SLC38A1: variants seen among roughly 807,000 people sequenced by gnomAD.
The protein encoded by SLC38A1 is solute carrier family 38 member 1.
In SLC38A1, 18 loss-of-function variants were observed where a neutral mutation model predicts 60.3. The ratio of observed to expected loss-of-function variants is 0.30; its 90% CI spans 0.21 to 0.44. The LOEUF (loss-of-function observed/expected upper bound fraction) is 0.44, where lower values mean the gene tolerates loss of function less well. Among genes scored for constraint, SLC38A1 ranks in the 20% least tolerant of loss-of-function variants. The pLI is 1.00. For missense variants in SLC38A1, 448 were observed against 587.2 expected (o/e 0.76, Z 2.45); for synonymous variants, 196 against 212.1 (o/e 0.92, Z 0.66).
At chr12:46,209,776 A>G (rs186513687) in intron 5 of SLC38A1, among the ~76,000 whole-genome samples, 121 of 152,308 alleles carry the variant, frequency 7.9e-4, no homozygotes, top group Admixed American at 5.0e-3. Context: ...ACTTTTTTGA[A>G]TGATGAACTC....
At chr12:46,220,078 TGA>T (rs1462610739) in intron 5 of SLC38A1, among the ~76,000 whole-genome samples, 1 of 152,202 alleles carries the variant, frequency 6.6e-6, no homozygotes, top group Non-Finnish European at 1.5e-5. Flanking sequence ...CTAAAAACAA[TGA>T]GTGGGACTCA....
intron 1 of SLC38A1, among the ~76,000 whole-genome samples, chr12:46,245,947 T>C (rs746987258): frequency 6.6e-6 from 1 of 152,246 alleles, no homozygotes; most frequent in Non-Finnish European, 1.5e-5. Context: ...TTTAGCCTAC[T>C]TTTTAAATTG....
chr12:46,233,175 C>T (rs1475548256), intron 3 of SLC38A1, among the ~76,000 whole-genome samples: 4 of 152,094 alleles, frequency 2.6e-5, no homozygotes, highest in Admixed American at 6.5e-5. Context: ...CACACCACCA[C>T]ACCCAGCTTA....
intron 5 of SLC38A1, among the ~76,000 whole-genome samples, chr12:46,220,810 G>A (rs1325998651): frequency 1.3e-5 from 2 of 152,190 alleles, no homozygotes; most frequent in Non-Finnish European, 2.9e-5. Flanking sequence ...AATATTTAGA[G>A]ACATCAGAAA....
At chr12:46,196,002 T>C (rs141860081) in intron 16 of SLC38A1, 6 of 735,442 alleles carry the variant, frequency 8.2e-6, no homozygotes, top group Admixed American at 7.2e-5. Flanking sequence ...GGTACCTCAG[T>C]TGGAAATGCA....
rs146440697 is a variant in SLC38A1, at chr12:46,194,121, C to T, written c.1362+3599G>A. 7.6e-4 allele frequency among the ~76,000 whole-genome samples: 115 copies of T among 152,250 alleles called. 2 individuals carry two copies. The East Asian group carries it at 9.5e-3, about 13-fold the overall frequency. On this transcript the variant is annotated intron_variant, in intron 16 of 16. Coordinates refer to ENST00000398637, the MANE Select transcript of SLC38A1 (RefSeq NM_030674.4). ...GCTTCCTTCAGGAGCTTTTGTAAGGCGAGCCTGGTGGTGACAAAATCTCTC... is the reference window on the plus strand; with the variant it reads ...GCTTCCTTCAGGAGCTTTTGTAAGGTGAGCCTGGTGGTGACAAAATCTCTC...
intron 5 of SLC38A1, among the ~76,000 whole-genome samples, chr12:46,227,816 G>A (rs1011700966): frequency 6.6e-6 from 1 of 152,082 alleles, no homozygotes; most frequent in African/African-American, 2.4e-5. Context: ...AGCTCAGAGT[G>A]GCTAAGAAAC....
intron 3 of SLC38A1, among the ~76,000 whole-genome samples, chr12:46,234,468 G>C (rs1012002970): frequency 3.0e-5 from 4 of 133,830 alleles, no homozygotes; most frequent in East Asian, 2.2e-4. Flanking sequence ...TTTTTGTTGA[G>C]ACGGAGTCTC....
Position 46,200,801 on chromosome 12 carries a change from T to C in SLC38A1, c.1003+297A>G, listed in dbSNP as rs11183393. Among the ~76,000 whole-genome samples the C allele has an allele frequency of 8.9e-3, 1,358 of 152,310 alleles. 25 individuals carry two copies. Among genetic ancestry groups the C allele is most frequent in the African/African-American group, 0.031 (1,291 of 41,548 alleles). ...TTTGCGGTGTCAATTAGGAAAGCCT[T>C]CTCTGATGTAGTTTTAAACCTTCCT... On this transcript the variant is annotated intron_variant, in intron 13 of 16. Coordinates refer to ENST00000398637, the MANE Select transcript of SLC38A1 (RefSeq NM_030674.4).
intron 1 of SLC38A1, among the ~76,000 whole-genome samples, chr12:46,260,140 A>G (rs1473499070): frequency 6.6e-6 from 1 of 152,124 alleles, no homozygotes; most frequent in African/African-American, 2.4e-5. Context: ...TATTGTGACC[A>G]TTGTTCCTGT....
intron 1 of SLC38A1, among the ~76,000 whole-genome samples, chr12:46,262,328 T>C (rs1234505711): frequency 6.6e-6 from 1 of 152,050 alleles, no homozygotes; most frequent in Non-Finnish European, 1.5e-5. Flanking sequence ...CTAAAGTTAA[T>C]GAAGTCAACC....
intron 16 of SLC38A1, among the ~76,000 whole-genome samples, chr12:46,191,542 A>G (rs1468508335): frequency 2.6e-5 from 4 of 152,086 alleles, no homozygotes; most frequent in African/African-American, 9.7e-5. Context: ...CATTTTCATG[A>G]TATTAATTCT....
chr12:46,260,685 G>C lies in SLC38A1; in HGVS notation c.-209+7841C>G, dbSNP rs543446806. ...ATTCTATTTCTGTTAAAGATATAATGCACCTTCTCCTTGTCACTCAGACTT... is the reference window on the plus strand; with the variant it reads ...ATTCTATTTCTGTTAAAGATATAATCCACCTTCTCCTTGTCACTCAGACTT... On this transcript the variant is annotated intron_variant, in intron 1 of 16. Transcript: ENST00000398637. Among the ~76,000 whole-genome samples, 11 of 152,136 alleles carry C rather than the reference G, an allele frequency of 7.2e-5. No individual in the cohort carries two copies. The South Asian group carries it at 2.3e-3, about 32-fold the overall frequency.
chr12:46,183,662 A>C lies in SLC38A1; in HGVS notation c.*5308T>G, dbSNP rs2136790300. On this transcript the variant is annotated 3_prime_UTR_variant, in exon 17 of 17. Transcript: ENST00000398637. Reference sequence around the variant, plus strand: ...GATCATTATGAAGAAACAATTTGTCATTTGGGTATATCTGTTTCTATAGGA... The same window carrying C: ...GATCATTATGAAGAAACAATTTGTCCTTTGGGTATATCTGTTTCTATAGGA... The C allele has an allele frequency of 6.6e-6, 1 of 152,318 alleles. No homozygotes were observed. Among genetic ancestry groups the C allele is most frequent in the East Asian group, 1.9e-4 (1 of 5,192 alleles). 9.4% of individuals were successfully genotyped at this position (152,318 alleles called of 1,614,324 possible).
chr12:46,208,050 A>G (rs1939987729), intron 6 of SLC38A1, among the ~76,000 whole-genome samples: 1 of 152,232 alleles, frequency 6.6e-6, no homozygotes, highest in Admixed American at 6.5e-5. Flanking sequence ...GATTAGGCAA[A>G]CAAGGAATTA....
At chr12:46,258,759 A>G (rs1463244562) in intron 1 of SLC38A1, among the ~76,000 whole-genome samples, 1 of 152,152 alleles carries the variant, frequency 6.6e-6, no homozygotes, top group East Asian at 1.9e-4. Context: ...ATTCAAGAGA[A>G]TCTCCTGCTT....
intron 3 of SLC38A1, among the ~76,000 whole-genome samples, chr12:46,235,246 T>C (rs1941219111): frequency 6.6e-6 from 1 of 152,248 alleles, no homozygotes; most frequent in Admixed American, 6.5e-5. Flanking sequence ...GGATGAGTTG[T>C]ACAACAGAAA....
At chr12:46,250,832 G>A (rs1023397188) in intron 1 of SLC38A1, among the ~76,000 whole-genome samples, 4 of 152,158 alleles carry the variant, frequency 2.6e-5, no homozygotes, top group South Asian at 4.1e-4. Flanking sequence ...ACTGCTCAAC[G>A]AAATAAAAGA....
At chr12:46,208,321 T>C (rs574758380) in intron 6 of SLC38A1, among the ~76,000 whole-genome samples, 10 of 152,238 alleles carry the variant, frequency 6.6e-5, no homozygotes, top group Non-Finnish European at 1.2e-4. Context: ...TATTTCTTTA[T>C]AACTGTTCAG....
Sources: gnomAD v4.1 joint callset for allele counts (sites outside exome capture counted in the v4.1 genomes callset) on GRCh38, gnomAD v4.1.1 for gene constraint, MANE v1.5 for transcripts, NCBI Gene and HGNC (gene_info 2026-07-23, HGNC 2026-07-21) for gene names.